Variants in KLHL29 observed in about 807,000 individuals in gnomAD.
The protein encoded by KLHL29 is kelch like family member 29, also known as kelch-like protein 29.
Under a neutral mutation model 80.4 loss-of-function variants are expected in KLHL29, and 21 were observed. The ratio of observed to expected loss-of-function variants is 0.26; its 90% CI spans 0.19 to 0.38. KLHL29 has a LOEUF of 0.38. KLHL29 is among the 10% of genes least tolerant of loss of function. The pLI is 1.00. For missense variants in KLHL29, 867 were observed against 1,223.9 expected, an observed-to-expected ratio of 0.71 and a Z score of 4.35; for synonymous variants, 511 against 526.8, an observed-to-expected ratio of 0.97 and a Z score of 0.41.
intron 3 of KLHL29, among the ~76,000 whole-genome samples, chr2:23,629,622 G>A (rs1328707486): frequency 1.3e-5 from 2 of 152,162 alleles, no homozygotes; most frequent in African/African-American, 2.4e-5. Flanking sequence ...TCCAGAGCAC[G>A]GTGCAAAAAC....
At chr2:23,531,531 G>T (rs953221783) in intron 2 of KLHL29, among the ~76,000 whole-genome samples, 1 of 152,216 alleles carries the variant, frequency 6.6e-6, no homozygotes, top group African/African-American at 2.4e-5. Context: ...CTTTATTGCA[G>T]TCTGCCCTGG....
intron 5 of KLHL29, among the ~76,000 whole-genome samples, chr2:23,648,628 G>A (rs1245270802): frequency 2.0e-5 from 3 of 152,186 alleles, no homozygotes; most frequent in African/African-American, 4.8e-5. Flanking sequence ...CCTCCCCTCA[G>A]GGGCTTTCAG....
intron 2 of KLHL29, among the ~76,000 whole-genome samples, chr2:23,544,076 T>G (rs572097995): frequency 6.6e-6 from 1 of 152,268 alleles, no homozygotes; most frequent in East Asian, 1.9e-4. Flanking sequence ...TTCATTTCTT[T>G]GACATAACCT....
chr2:23,539,324 TGAAAG>T (rs1428397356), intron 2 of KLHL29, among the ~76,000 whole-genome samples: 8 of 152,182 alleles, frequency 5.3e-5, no homozygotes, highest in Non-Finnish European at 7.3e-5. Context: ...GATTGGATGT[TGAAAG>T]GAATTGATTT....
intron 1 of KLHL29, among the ~76,000 whole-genome samples, chr2:23,429,625 C>T (rs540635187): frequency 4.6e-5 from 7 of 152,114 alleles, no homozygotes; most frequent in East Asian, 1.9e-4. Flanking sequence ...TGGTGGCGGA[C>T]GCCTGTAATC....
chr2:23,697,984 A>G (rs747988054), intron 11 of KLHL29: 7 of 152,216 alleles, frequency 4.6e-5, no homozygotes, highest in Non-Finnish European at 1.0e-4. Flanking sequence ...ATCTCCTAAG[A>G]CACTGATTAC....
At chr2:23,604,071 T>C (rs1668642438) in intron 3 of KLHL29, among the ~76,000 whole-genome samples, 1 of 152,242 alleles carries the variant, frequency 6.6e-6, no homozygotes, top group African/African-American at 2.4e-5. Context: ...GGGGACCGTG[T>C]TGCTATCCAG....
chr2:23,450,356 G>T (rs926573464), intron 1 of KLHL29, among the ~76,000 whole-genome samples: 4 of 152,030 alleles, frequency 2.6e-5, no homozygotes, highest in African/African-American at 7.2e-5. Context: ...CTTAGATTGC[G>T]GCCTGCACAT....
At chr2:23,625,863 C>G (rs1669296130) in intron 3 of KLHL29, among the ~76,000 whole-genome samples, 1 of 152,130 alleles carries the variant, frequency 6.6e-6, no homozygotes, top group Non-Finnish European at 1.5e-5. Context: ...GTAAGATGAA[C>G]AAGAGACACC....
At chr2:23,475,483 CA>C (rs111621976) in intron 1 of KLHL29, 76 bp from the exon 2 acceptor site, 2,988 of 130,740 alleles carry the variant, frequency 0.023, 26 homozygotes, top group African/African-American at 0.048. Flanking sequence ...CATCTTTTTG[CA>C]AAAAAAAAAA....
chr2:23,400,696 C>T (rs1034611681), intron 1 of KLHL29, among the ~76,000 whole-genome samples: 4 of 152,032 alleles, frequency 2.6e-5, no homozygotes, highest in African/African-American at 9.7e-5. Flanking sequence ...TTAAATTAGC[C>T]AGATGTAGTG....
chr2:23,475,179 C>A (rs1664597432), intron 1 of KLHL29, among the ~76,000 whole-genome samples: 1 of 151,894 alleles, frequency 6.6e-6, no homozygotes, highest in Non-Finnish European at 1.5e-5. Context: ...GCTGGAGTTT[C>A]TTAGTTTGGA....
In KLHL29 at chr2:23,642,862, T is replaced by C. The variant is rs1444485619; in HGVS notation, c.940+12T>C. 6.5e-7 allele frequency: 1 copy of C among 1,550,092 alleles called. No individual in the cohort carries two copies. The highest frequency in any genetic ancestry group is 8.7e-7 in the Non-Finnish European group (1 of 1,146,802). ...GGGGCACCCCAGAGGTAAGTCCTGC[T>C]GCCACGTGCCTCCCCACGGGCCTGC... On this transcript the variant is annotated intron_variant, in intron 5 of 13. Coordinates refer to ENST00000486442, the MANE Select transcript of KLHL29 (RefSeq NM_052920.2).
chr2:23,540,678 G>A (rs1666807453), intron 2 of KLHL29, among the ~76,000 whole-genome samples: 1 of 152,234 alleles, frequency 6.6e-6, no homozygotes, highest in African/African-American at 2.4e-5. Flanking sequence ...GTTAACTCTT[G>A]TAATGGAGAG....
At chr2:23,598,426 A>G (rs1002029867) in intron 3 of KLHL29, among the ~76,000 whole-genome samples, 7 of 152,142 alleles carry the variant, frequency 4.6e-5, no homozygotes, top group African/African-American at 1.7e-4. Context: ...TATTCATTGT[A>G]CTGCATGTGC....
At chr2:23,538,467 T>G (rs1666743767) in intron 2 of KLHL29, among the ~76,000 whole-genome samples, 1 of 152,226 alleles carries the variant, frequency 6.6e-6, no homozygotes, top group Non-Finnish European at 1.5e-5. Flanking sequence ...ACAAGGAGAT[T>G]ATCTGTCATC....
intron 3 of KLHL29, among the ~76,000 whole-genome samples, chr2:23,618,528 T>C (rs1397375396): frequency 1.3e-5 from 2 of 152,120 alleles, no homozygotes; most frequent in Non-Finnish European, 2.9e-5. Flanking sequence ...ACATTGGTCT[T>C]TTGCTGCCTT....
chr2:23,628,822 A>G (rs1360590209), intron 3 of KLHL29, among the ~76,000 whole-genome samples: 1 of 152,132 alleles, frequency 6.6e-6, no homozygotes, highest in Non-Finnish European at 1.5e-5. Flanking sequence ...TGAAAATAAC[A>G]AAGGCTCCCA....
chr2:23,420,173 C>T (rs1216564279), intron 1 of KLHL29, among the ~76,000 whole-genome samples: 2 of 152,184 alleles, frequency 1.3e-5, no homozygotes, highest in Admixed American at 6.5e-5. Context: ...TGCCCAGCGA[C>T]CCTCACGGAC....
Sources: gnomAD v4.1 joint callset for allele counts (sites outside exome capture counted in the v4.1 genomes callset) on GRCh38, gnomAD v4.1.1 for gene constraint, MANE v1.5 for transcripts, NCBI Gene and HGNC (gene_info 2026-07-23, HGNC 2026-07-21) for gene names.